DLG2: variants seen among roughly 807,000 people sequenced by gnomAD.
DLG2 encodes disks large homolog 2.
DLG2 carries 45 observed loss-of-function variants against 132.5 expected under a neutral mutation model. That is an observed-to-expected ratio of 0.34 (90% CI 0.27 to 0.44). The LOEUF (loss-of-function observed/expected upper bound fraction) is 0.44. Ranked by LOEUF, DLG2 falls within the 20% of genes least tolerant of loss-of-function variation. The pLI is 1.00. For missense variants in DLG2, 1,045 were observed against 1,196.9 expected (o/e 0.87, Z 1.87); for synonymous variants, 424 against 419.6 (o/e 1.01, Z -0.13).
At chr11:84,994,860 G>A (rs574928806) in intron 6 of DLG2, among the ~76,000 whole-genome samples, 108 of 152,244 alleles carry the variant, frequency 7.1e-4, no homozygotes, top group African/African-American at 2.4e-3. Context: ...TCAGAACATA[G>A]GGCCTCTCTC....
chr11:84,650,843 T>C (rs2099680656), intron 6 of DLG2, among the ~76,000 whole-genome samples: 1 of 136,992 alleles, frequency 7.3e-6, no homozygotes, highest in Admixed American at 7.2e-5. Flanking sequence ...TAATAAACTT[T>C]CCTGTATGTG....
intron 7 of DLG2, among the ~76,000 whole-genome samples, chr11:84,488,251 G>A (rs909351465): frequency 6.6e-5 from 10 of 152,084 alleles, no homozygotes; most frequent in Non-Finnish European, 1.2e-4. Flanking sequence ...ACCAATAGAC[G>A]TGGAAAGACA....
chr11:83,499,843 C>T (rs2094353858), intron 21 of DLG2, among the ~76,000 whole-genome samples: 1 of 110,224 alleles, frequency 9.1e-6, no homozygotes, highest in Non-Finnish European at 1.8e-5. Context: ...ATTTCCTCCA[C>T]TAATAGGAGA....
chr11:84,966,982 G>A (rs760302831), intron 6 of DLG2, among the ~76,000 whole-genome samples: 4 of 152,082 alleles, frequency 2.6e-5, no homozygotes, highest in Non-Finnish European at 5.9e-5. Flanking sequence ...CCATTGGTCT[G>A]GGATGCAATA....
At chr11:83,515,926 A>T (rs1455281625) in intron 21 of DLG2, among the ~76,000 whole-genome samples, 2 of 152,242 alleles carry the variant, frequency 1.3e-5, no homozygotes, top group Admixed American at 1.3e-4. Context: ...ACATTTGCTG[A>T]GGAGTGCTTT....
chr11:84,259,530 A>G (rs2097526782), intron 7 of DLG2, among the ~76,000 whole-genome samples: 1 of 152,112 alleles, frequency 6.6e-6, no homozygotes, highest in Non-Finnish European at 1.5e-5. Context: ...AAACTATGTG[A>G]GTGCCTGAGG....
chr11:84,904,343 T>C (rs2091262980), intron 6 of DLG2, among the ~76,000 whole-genome samples: 1 of 152,212 alleles, frequency 6.6e-6, no homozygotes, highest in South Asian at 2.1e-4. Flanking sequence ...GTTTGTGTAA[T>C]TACATTGTCA....
Position 85,261,360 on chromosome 11 carries a change from C to T in DLG2, c.186+23860G>A, listed in dbSNP as rs1242394926. ...GAGGCCCCTTCCTCATTGTTGCTTA[C>T]TTATGAGGACACCACATCCCCCACC... On this transcript the variant is annotated intron_variant, in intron 4 of 27. Transcript: ENST00000376104. 1.3e-5 allele frequency among the ~76,000 whole-genome samples: 2 copies of T among 152,172 alleles called. 1 individual carries two copies. Among genetic ancestry groups the T allele is most frequent in the African/African-American group, 4.8e-5 (2 of 41,532 alleles).
At chr11:85,197,734 T>C (rs547911557) in intron 4 of DLG2, among the ~76,000 whole-genome samples, 1 of 152,308 alleles carries the variant, frequency 6.6e-6, no homozygotes, top group Admixed American at 6.5e-5. Context: ...ACCTAAGCAC[T>C]GAACCAACTA....
chr11:83,835,533 G>A (rs2055898178), intron 16 of DLG2, among the ~76,000 whole-genome samples: 2 of 152,262 alleles, frequency 1.3e-5, no homozygotes, highest in African/African-American at 2.4e-5. Flanking sequence ...ATATGGAAGG[G>A]TGCCTGGTGT....
At chr11:85,469,147 C>G (rs1166274265) in intron 3 of DLG2, among the ~76,000 whole-genome samples, 2 of 152,208 alleles carry the variant, frequency 1.3e-5, no homozygotes, top group Non-Finnish European at 2.9e-5. Context: ...AATCCATCAG[C>G]AAGTCCTATC....
intron 6 of DLG2, among the ~76,000 whole-genome samples, chr11:85,027,013 C>T (rs149160029): frequency 0.02 from 2,972 of 151,782 alleles, 53 homozygotes; most frequent in Admixed American, 0.042. Context: ...AATACAAATA[C>T]TTATTAATAG....
intron 3 of DLG2, chr11:85,453,275 C>A (rs1318543661): frequency 9.6e-6 from 3 of 311,376 alleles, no homozygotes; most frequent in Non-Finnish European, 1.8e-5. Flanking sequence ...TTCTGGAAAT[C>A]CAGAATTAAT....
intron 6 of DLG2, among the ~76,000 whole-genome samples, chr11:84,572,877 T>C (rs2099489020): frequency 6.6e-6 from 1 of 152,096 alleles, no homozygotes. Context: ...CTGTGTTTCC[T>C]CCATGGGATT....
intron 21 of DLG2, among the ~76,000 whole-genome samples, chr11:83,532,141 T>C (rs1390602829): frequency 6.6e-6 from 1 of 152,126 alleles, no homozygotes; most frequent in Admixed American, 6.6e-5. Context: ...TTGAGTTACA[T>C]TGTATGCAAA....
chr11:84,706,357 A>G (rs1308376552), intron 6 of DLG2, among the ~76,000 whole-genome samples: 3 of 151,858 alleles, frequency 2.0e-5, no homozygotes. Flanking sequence ...ATATACAAGG[A>G]AAGATTTCAA....
intron 9 of DLG2, among the ~76,000 whole-genome samples, chr11:84,101,341 T>C (rs1308643042): frequency 6.6e-6 from 1 of 152,134 alleles, no homozygotes; most frequent in Non-Finnish European, 1.5e-5. Flanking sequence ...AAGAATTGGA[T>C]AGATGTACCT....
intron 11 of DLG2, among the ~76,000 whole-genome samples, chr11:84,003,184 A>G (rs2094434491): frequency 6.6e-6 from 1 of 152,110 alleles, no homozygotes; most frequent in African/African-American, 2.4e-5. Flanking sequence ...GAGACCACCT[A>G]AGCTTGGACT....
chr11:84,757,102 G>A (rs901554734), intron 6 of DLG2, among the ~76,000 whole-genome samples: 1 of 151,958 alleles, frequency 6.6e-6, no homozygotes, highest in Admixed American at 6.6e-5. Flanking sequence ...TCTCTACTCT[G>A]GAATTCTCTT....
Sources: gnomAD v4.1 joint callset for allele counts (sites outside exome capture counted in the v4.1 genomes callset) on GRCh38, gnomAD v4.1.1 for gene constraint, MANE v1.5 for transcripts, NCBI Gene and HGNC (gene_info 2026-07-23, HGNC 2026-07-21) for gene names.